The following GAREM1 variants were observed in gnomAD, a reference collection of about 807,000 sequenced individuals.
The protein encoded by GAREM1 is GRB2 associated regulator of MAPK1 subtype 1, also known as GRB2-associated and regulator of MAPK protein 1.
A neutral mutation model predicts 71.3 loss-of-function variants in GAREM1; 26 were observed. The observed-to-expected ratio is 0.36, with a 90% CI of 0.27 to 0.51. GAREM1 has a LOEUF of 0.51. Among genes scored for constraint, GAREM1 ranks in the 20% least tolerant of loss-of-function variants. The pLI, the probability that GAREM1 is intolerant of heterozygous loss-of-function variation, is 0.95. For missense variants in GAREM1, 1,026 were observed against 1,103.1 expected (o/e 0.93, Z 0.99); for synonymous variants, 440 against 433.2 (o/e 1.02, Z -0.20).
chr18:32,388,718 A>G (rs977893002), intron 2 of GAREM1, among the ~76,000 whole-genome samples: 2 of 152,194 alleles, frequency 1.3e-5, no homozygotes, highest in Admixed American at 6.5e-5. Flanking sequence ...AAAAATGTCT[A>G]TATCACGAAA....
At chr18:32,439,621 A>C (rs2048714346) in intron 1 of GAREM1, among the ~76,000 whole-genome samples, 2 of 151,956 alleles carry the variant, frequency 1.3e-5, no homozygotes, top group South Asian at 4.2e-4. Context: ...CTTTGGTTGG[A>C]AAGTAACAGA....
chr18:32,344,634 TTAAC>T (rs1416491892), intron 2 of GAREM1, among the ~76,000 whole-genome samples: 9 of 152,068 alleles, frequency 5.9e-5, no homozygotes, highest in African/African-American at 1.9e-4. Context: ...GGTAAAAAAA[TTAAC>T]TAAAGATTTC....
intron 4 of GAREM1, among the ~76,000 whole-genome samples, chr18:32,280,925 T>G (rs2046945167): frequency 6.6e-6 from 1 of 152,160 alleles, no homozygotes; most frequent in African/African-American, 2.4e-5. Context: ...GTGTGACTTC[T>G]TCTCTCCATC....
chr18:32,428,438 C>T (rs2048594726), intron 1 of GAREM1, among the ~76,000 whole-genome samples: 1 of 151,934 alleles, frequency 6.6e-6, no homozygotes, highest in South Asian at 2.1e-4. Context: ...TGGCATCACC[C>T]CCTGTGGTTG....
At chr18:32,368,045 A>C in intron 2 of GAREM1, among the ~76,000 whole-genome samples, 1 of 136,956 alleles carries the variant, frequency 7.3e-6, no homozygotes, top group Non-Finnish European at 1.6e-5. Flanking sequence ...CCTTTCTTTT[A>C]TCTCCCCCTC....
At chr18:32,384,653 T>G (rs1280008387) in intron 2 of GAREM1, among the ~76,000 whole-genome samples, 1 of 152,188 alleles carries the variant, frequency 6.6e-6, no homozygotes, top group South Asian at 2.1e-4. Context: ...AGTGAGGATA[T>G]TTTCCCTCAT....
chr18:32,268,832 TTA>T (rs2041415322), intron 5 of GAREM1, 64 bp from the exon 6 acceptor site: 9 of 1,411,300 alleles, frequency 6.4e-6, no homozygotes, highest in Non-Finnish European at 8.8e-6. Context: ...AAGGCTTTTG[TTA>T]TTTATAGACG....
At chr18:32,386,573 G>A (rs1567990103) in intron 2 of GAREM1, among the ~76,000 whole-genome samples, 1 of 152,208 alleles carries the variant, frequency 6.6e-6, no homozygotes, top group Non-Finnish European at 1.5e-5. Context: ...CGCGGCTGGA[G>A]TTTATCTCAG....
At chr18:32,303,342 C>G (rs1206660390) in intron 3 of GAREM1, among the ~76,000 whole-genome samples, 1 of 152,114 alleles carries the variant, frequency 6.6e-6, no homozygotes, top group South Asian at 2.1e-4. Context: ...CACCTTTTTC[C>G]CCTCTCTCTC....
Position 32,268,486 on chromosome 18 carries a change from A to C in GAREM1, c.2016T>G (p.Asp672Glu), listed in dbSNP as rs1478302452. 1 of 1,614,238 alleles carries C rather than the reference A, an allele frequency of 6.2e-7. No homozygotes were observed. The highest frequency in any genetic ancestry group is 1.1e-5 in the South Asian group (1 of 91,082). ...KRNCPAPFDF[D>E]GCELLASPTS... The stretch of plus-strand genomic sequence containing the variant: ...TGGGGCTGGCCAGGAGCTCACAGCC[A>C]TCAAAATCAAAAGGTGCTGGGCAGT... The change falls in exon 6 of 6, where the codon GAT becomes GAG. Residue 672 changes from aspartate to glutamate, a missense_variant. Coordinates refer to ENST00000269209, the MANE Select transcript of GAREM1 (RefSeq NM_001242409.2).
intron 2 of GAREM1, among the ~76,000 whole-genome samples, chr18:32,334,245 T>C (rs538166413): frequency 6.6e-6 from 1 of 152,108 alleles, no homozygotes; most frequent in East Asian, 1.9e-4. Flanking sequence ...GGGGGGCACA[T>C]TTTCCAGGCA....
At chr18:32,303,153 T>A (rs1267817621) in intron 3 of GAREM1, among the ~76,000 whole-genome samples, 1 of 152,256 alleles carries the variant, frequency 6.6e-6, no homozygotes, top group East Asian at 1.9e-4. Context: ...AGGAAATCTA[T>A]GCTGGAACAG....
In GAREM1 at chr18:32,264,839, CT is replaced by C. The variant is rs2041351485; in HGVS notation, c.*3031del. On this transcript the variant is annotated 3_prime_UTR_variant, in exon 6 of 6. Transcript: ENST00000269209. ...CTTGGTTTATTGCTGATTTTCTTTTCTGATGGGGGCCATGATGATTTTTGCC... is the reference window on the plus strand; with the variant it reads ...CTTGGTTTATTGCTGATTTTCTTTTCGATGGGGGCCATGATGATTTTTGCC... The C allele has an allele frequency of 6.6e-6, 1 of 152,188 alleles. No homozygotes were observed. The highest frequency in any genetic ancestry group is 1.5e-5 in the Non-Finnish European group (1 of 68,040). The allele number at this position is 152,188 out of a possible 1,614,324, so 9.4% of individuals were successfully genotyped here.
intron 1 of GAREM1, among the ~76,000 whole-genome samples, chr18:32,444,318 A>C (rs901553246): frequency 6.6e-6 from 1 of 152,196 alleles, no homozygotes; most frequent in Non-Finnish European, 1.5e-5. Flanking sequence ...AAAGTAATTT[A>C]CTATATGCAA....
At chr18:32,354,772 T>G in intron 2 of GAREM1, among the ~76,000 whole-genome samples, 1 of 152,198 alleles carries the variant, frequency 6.6e-6, no homozygotes, top group Non-Finnish European at 1.5e-5. Flanking sequence ...GTTTCTGTTC[T>G]TTATTGACTG....
intron 2 of GAREM1, among the ~76,000 whole-genome samples, chr18:32,336,312 C>G (rs1032703511): frequency 6.6e-6 from 1 of 151,944 alleles, no homozygotes; most frequent in Non-Finnish European, 1.5e-5. Context: ...TGCCTGTGGT[C>G]CCAGCTACTC....
intron 3 of GAREM1, among the ~76,000 whole-genome samples, chr18:32,306,027 C>G (rs987327158): frequency 6.6e-6 from 1 of 152,186 alleles, no homozygotes; most frequent in African/African-American, 2.4e-5. Context: ...TGAAACTTAC[C>G]TTGACTAAAC....
intron 2 of GAREM1, among the ~76,000 whole-genome samples, chr18:32,333,993 G>A (rs943728020): frequency 7.2e-5 from 11 of 152,172 alleles, no homozygotes; most frequent in South Asian, 2.1e-4. Context: ...GATGGCTCCG[G>A]AGGATGATTC....
intron 4 of GAREM1, among the ~76,000 whole-genome samples, chr18:32,275,188 T>G (rs929532274): frequency 2.0e-5 from 3 of 152,136 alleles, no homozygotes; most frequent in African/African-American, 7.2e-5. Flanking sequence ...AGTGACAGTA[T>G]TCCTGAACTA....
Sources: allele counts gnomAD v4.1 joint callset (sites outside exome capture counted in the v4.1 genomes callset), GRCh38; gene constraint gnomAD v4.1.1; transcripts MANE v1.5; gene names NCBI Gene and HGNC (gene_info 2026-07-23, HGNC 2026-07-21).